The following ADGRB3 variants were observed in gnomAD, a reference collection of about 807,000 sequenced individuals.
ADGRB3 encodes the protein brain-specific angiogenesis inhibitor 3.
A neutral mutation model predicts 193.4 loss-of-function variants in ADGRB3; 37 were observed. The observed-to-expected ratio is 0.19, with a 90% CI of 0.15 to 0.25. ADGRB3 has a LOEUF of 0.25. Among genes scored for constraint, ADGRB3 ranks in the 10% least tolerant of loss-of-function variants. The pLI is 1.00. For missense variants in ADGRB3, 1,637 were observed against 1,852.9 expected, an observed-to-expected ratio of 0.88 and a Z score of 2.14; for synonymous variants, 690 against 644.2, an observed-to-expected ratio of 1.07 and a Z score of -1.08.
intron 3 of ADGRB3, among the ~76,000 whole-genome samples, chr6:68,819,205 C>T (rs766473585): frequency 1.3e-5 from 2 of 151,988 alleles, no homozygotes; most frequent in Non-Finnish European, 2.9e-5. Flanking sequence ...TCACACACCC[C>T]TTTAATAATC....
intron 3 of ADGRB3, among the ~76,000 whole-genome samples, chr6:68,678,424 CA>C (rs747402006): frequency 3.3e-5 from 5 of 152,198 alleles, no homozygotes; most frequent in Non-Finnish European, 5.9e-5. Flanking sequence ...CCATTTATCA[CA>C]AGTCCCACCC....
At chr6:68,811,518 G>A (rs1767512314) in intron 3 of ADGRB3, among the ~76,000 whole-genome samples, 1 of 152,040 alleles carries the variant, frequency 6.6e-6, no homozygotes. Flanking sequence ...GCCCAGGCTG[G>A]AGTGCGGTGG....
chr6:69,359,495 G>A (rs1769404386), intron 28 of ADGRB3, among the ~76,000 whole-genome samples: 1 of 149,994 alleles, frequency 6.7e-6, no homozygotes. Context: ...AAGATAAAGA[G>A]ACAATAATAC....
chr6:69,157,017 G>C (rs995863748), intron 17 of ADGRB3, among the ~76,000 whole-genome samples: 1 of 152,186 alleles, frequency 6.6e-6, no homozygotes, highest in African/African-American at 2.4e-5. Context: ...TGAAGAAGTG[G>C]CGCAGCAGAA....
intron 17 of ADGRB3, among the ~76,000 whole-genome samples, chr6:69,141,389 C>T (rs998942471): frequency 1.3e-5 from 2 of 151,780 alleles, no homozygotes; most frequent in African/African-American, 4.8e-5. Context: ...TCCCAAAGTG[C>T]TGGGATTACA....
chr6:69,053,304 C>G (rs892597653), intron 15 of ADGRB3, among the ~76,000 whole-genome samples: 8 of 152,174 alleles, frequency 5.3e-5, no homozygotes, highest in Middle Eastern at 3.2e-3. Flanking sequence ...AGGTGACCTG[C>G]CTAAGATTAT....
chr6:69,383,005 AC>A, intron 31 of ADGRB3, 70 bp downstream of exon 31: 3 of 1,044,814 alleles, frequency 2.9e-6, no homozygotes, highest in Non-Finnish European at 4.2e-6. Flanking sequence ...GCCTTCCAGG[AC>A]CTCCTAATGG....
At chr6:68,908,610 G>GT (rs1766614367) in intron 3 of ADGRB3, among the ~76,000 whole-genome samples, 1 of 152,086 alleles carries the variant, frequency 6.6e-6, no homozygotes, top group Non-Finnish European at 1.5e-5. Flanking sequence ...GTCTTAGTCT[G>GT]TATTTCTAAC....
chr6:68,911,961 C>A (rs991295533), intron 3 of ADGRB3, among the ~76,000 whole-genome samples: 4 of 151,242 alleles, frequency 2.6e-5, no homozygotes, highest in African/African-American at 9.7e-5. Flanking sequence ...GTGGAAAATT[C>A]TGATCTGTGA....
At chr6:69,358,366 T>C (rs185680512) in intron 28 of ADGRB3, among the ~76,000 whole-genome samples, 85 of 152,088 alleles carry the variant, frequency 5.6e-4, no homozygotes, top group Non-Finnish European at 1.0e-3. Flanking sequence ...TAGACCATCC[T>C]CCTCAAGCTG....
chr6:69,381,627 C>T (rs1393506714), intron 30 of ADGRB3, among the ~76,000 whole-genome samples: 1 of 151,836 alleles, frequency 6.6e-6, no homozygotes, highest in African/African-American at 2.4e-5. Flanking sequence ...TTTTCCTTTT[C>T]CTCAAGGAGA....
At chr6:68,797,104 A>G (rs970166033) in intron 3 of ADGRB3, among the ~76,000 whole-genome samples, 2 of 152,178 alleles carry the variant, frequency 1.3e-5, no homozygotes, top group Non-Finnish European at 2.9e-5. Flanking sequence ...TGAAGGAGCC[A>G]TGATGAAAAT....
intron 3 of ADGRB3, among the ~76,000 whole-genome samples, chr6:68,687,301 A>G (rs1249471460): frequency 2.0e-5 from 3 of 152,136 alleles, no homozygotes; most frequent in South Asian, 2.1e-4. Context: ...ATATATATAA[A>G]TGTACACACA....
chr6:69,223,062 A>C (rs546087721), intron 17 of ADGRB3, among the ~76,000 whole-genome samples: 8 of 152,218 alleles, frequency 5.3e-5, no homozygotes, highest in African/African-American at 1.7e-4. Context: ...TCTACTACTA[A>C]TATTTGAGTT....
intron 3 of ADGRB3, among the ~76,000 whole-genome samples, chr6:68,684,582 TA>T (rs1313001485): frequency 6.6e-6 from 1 of 152,128 alleles, no homozygotes; most frequent in African/African-American, 2.4e-5. Context: ...GGCCCTCTTT[TA>T]ATATAACCTT....
intron 17 of ADGRB3, among the ~76,000 whole-genome samples, chr6:69,081,738 C>T (rs1359216464): frequency 2.0e-5 from 3 of 151,932 alleles, no homozygotes; most frequent in Non-Finnish European, 2.9e-5. Flanking sequence ...GATTTTAAAT[C>T]TTAAATGCTT....
intron 3 of ADGRB3, among the ~76,000 whole-genome samples, chr6:68,901,593 T>G (rs1262444447): frequency 2.0e-5 from 3 of 152,210 alleles, no homozygotes; most frequent in African/African-American, 7.2e-5. Flanking sequence ...TTTTAACAAT[T>G]AAAATATTTC....
chr6:68,893,020 C>A (rs1182509135), intron 3 of ADGRB3, among the ~76,000 whole-genome samples: 1 of 152,056 alleles, frequency 6.6e-6, no homozygotes, highest in Admixed American at 6.6e-5. Context: ...TAGTTTTATT[C>A]TTTGGACCTC....
chr6:69,343,760 C>T (rs908071695), intron 26 of ADGRB3, among the ~76,000 whole-genome samples: 4 of 152,040 alleles, frequency 2.6e-5, no homozygotes, highest in African/African-American at 4.8e-5. Context: ...AAGAAGCCAT[C>T]TGATTCATCA....
Sources: allele counts gnomAD v4.1 joint callset (sites outside exome capture counted in the v4.1 genomes callset), GRCh38; gene constraint gnomAD v4.1.1; transcripts MANE v1.5; gene names NCBI Gene and HGNC (gene_info 2026-07-23, HGNC 2026-07-21).